Variants in LPIN1 observed in about 807,000 individuals in gnomAD.
LPIN1 encodes the protein lipin 1.
LPIN1 carries 71 observed loss-of-function variants against 107.5 expected under a neutral mutation model. The observed-to-expected ratio is 0.66, with a 90% confidence interval of 0.55 to 0.80. LPIN1 has a LOEUF of 0.80. Among genes scored for constraint, LPIN1 ranks in the 30% least tolerant of loss-of-function variants. The probability of loss-of-function intolerance (pLI) is 0.00; values close to 1 mark genes in which losing one functional copy is unlikely to be tolerated. For missense variants in LPIN1, 1,043 were observed against 1,160.6 expected, an observed-to-expected ratio of 0.90 and a Z score of 1.47; for synonymous variants, 445 against 452.6, an observed-to-expected ratio of 0.98 and a Z score of 0.21.
rs762802019 is a variant in LPIN1, at chr2:11,759,124, CTTTCTTTCT to C, written c.-9-6397_-9-6389del. On this transcript the variant is annotated intron_variant, in intron 1 of 20. Transcript: ENST00000674199. ...ATCCAGTTATGAGCTAGCTAGCTTGCTTTCTTTCTTTTCTTTCTTTCTTTCTTTCTTTCT... is the reference window on the plus strand; with the variant it reads ...ATCCAGTTATGAGCTAGCTAGCTTGCTTTCTTTCTTTCTTTCTTTCTTTCT... 5.4e-3 allele frequency among the ~76,000 whole-genome samples: 737 copies of C among 137,338 alleles called. 3 individuals are homozygous for C. Among genetic ancestry groups the C allele is most frequent in the Non-Finnish European group, 7.4e-3 (451 of 61,320 alleles). 90.1% of individuals were successfully genotyped at this position (137,338 alleles called of 152,430 possible).
chr2:11,814,511 CAT>C (rs1491431373), intron 17 of LPIN1, among the ~76,000 whole-genome samples: 178 of 94,932 alleles, frequency 1.9e-3, no homozygotes, highest in Non-Finnish European at 3.1e-3. Flanking sequence ...GGTGTGTGTG[CAT>C]GTGTGTGTGT....
upstream of LPIN1, among the ~76,000 whole-genome samples, chr2:11,722,754 A>G (rs1572403029): frequency 6.6e-6 from 1 of 152,344 alleles, no homozygotes; most frequent in South Asian, 2.1e-4. Context: ...TGATTTCAGA[A>G]GCAAGTGGAT....
intron 17 of LPIN1, among the ~76,000 whole-genome samples, chr2:11,812,713 G>C (rs1439616846): frequency 1.3e-5 from 2 of 152,212 alleles, no homozygotes; most frequent in African/African-American, 4.8e-5. Context: ...TGGTCTTATA[G>C]GCCACAGTGA....
intron 1 of LPIN1, among the ~76,000 whole-genome samples, chr2:11,739,137 T>C (rs1666085890): frequency 6.8e-6 from 1 of 146,774 alleles, no homozygotes; most frequent in Non-Finnish European, 1.5e-5. Flanking sequence ...TCCTGCTTGC[T>C]CTCTCTTGGG....
chr2:11,720,956 A>G (rs1321459508), upstream of LPIN1, among the ~76,000 whole-genome samples: 1 of 151,952 alleles, frequency 6.6e-6, no homozygotes, highest in Non-Finnish European at 1.5e-5. Flanking sequence ...TTGTCTGCCC[A>G]CGCCCTGCTC....
chr2:11,721,148 A>G (rs569716757), upstream of LPIN1, among the ~76,000 whole-genome samples: 2 of 152,222 alleles, frequency 1.3e-5, no homozygotes, highest in East Asian at 3.9e-4. Context: ...CCTATTTTAA[A>G]ATCAGGTGAA....
At chr2:11,807,837 C>T (rs1558282009) in intron 17 of LPIN1, among the ~76,000 whole-genome samples, 1 of 152,130 alleles carries the variant, frequency 6.6e-6, no homozygotes, top group East Asian at 1.9e-4. Flanking sequence ...TTCAGGGCTC[C>T]CTGCTCAGCA....
chr2:11,769,315 A>C (rs1173459539), intron 3 of LPIN1, among the ~76,000 whole-genome samples: 1 of 152,244 alleles, frequency 6.6e-6, no homozygotes, highest in Non-Finnish European at 1.5e-5. Context: ...CCTAATAACC[A>C]GCGGTATCTG....
intron 15 of LPIN1, 118 bp from the exon 16 acceptor site, chr2:11,804,305 C>T: frequency 9.3e-7 from 1 of 1,071,958 alleles, no homozygotes; most frequent in East Asian, 2.4e-5. Flanking sequence ...ATACAAGGGC[C>T]CAGGGCAGTC....
chr2:11,686,327 TG>T, intron 1 of LPIN1, among the ~76,000 whole-genome samples: 1 of 152,050 alleles, frequency 6.6e-6, no homozygotes, highest in South Asian at 2.1e-4. Flanking sequence ...CTGCCCAGCG[TG>T]GGTGGGATGT....
chr2:11,780,011 G>C (rs769195732), intron 7 of LPIN1, among the ~76,000 whole-genome samples: 2 of 152,086 alleles, frequency 1.3e-5, no homozygotes, highest in Non-Finnish European at 2.9e-5. Context: ...CTCCCGAGTA[G>C]CTGGGATTAC....
intron 1 of LPIN1, among the ~76,000 whole-genome samples, chr2:11,693,354 C>T (rs758200668): frequency 8.5e-5 from 13 of 152,208 alleles, no homozygotes; most frequent in Middle Eastern, 3.4e-3. Flanking sequence ...AATTTTCTAA[C>T]GTGACCCGGG....
At position 11,785,029 on chromosome 2, in the gene LPIN1, C is replaced by T. The variant is rs146965963; in HGVS notation, c.1502C>T (p.Ala501Val). The change falls in exon 10 of 21, where the codon GCC becomes GTC. Residue 501 changes from alanine (A) to valine (V), a missense_variant. Transcript: ENST00000674199. ...GGGCTGAGGGACCTCCCTTCCATCGCCATCTCCCTCTGCGGGGGCCTCAGC... is the reference window on the plus strand; with the variant it reads ...GGGCTGAGGGACCTCCCTTCCATCGTCATCTCCCTCTGCGGGGGCCTCAGC... ...SDGLRDLPSI[A>V]ISLCGGLSDH... 4 of 1,606,728 alleles carry T rather than the reference C, an allele frequency of 2.5e-6. No individual in the cohort carries two copies. The highest frequency in any genetic ancestry group is 1.3e-5 in the African/African-American group (1 of 74,836).
At chr2:11,780,774 A>C (rs1673451324) in intron 7 of LPIN1, among the ~76,000 whole-genome samples, 1 of 152,190 alleles carries the variant, frequency 6.6e-6, no homozygotes, top group African/African-American at 2.4e-5. Flanking sequence ...AATTGTTGTG[A>C]GGTTAGAAGG....
chr2:11,818,000 C>T (rs1341416151), intron 18 of LPIN1: 1 of 145,506 alleles, frequency 6.9e-6, no homozygotes, highest in Admixed American at 6.9e-5. Flanking sequence ...CCATTGTGGT[C>T]ATAAAGCAAG....
At chr2:11,762,420 C>T (rs909800773) in intron 1 of LPIN1, among the ~76,000 whole-genome samples, 3 of 59,662 alleles carry the variant, frequency 5.0e-5, no homozygotes, top group African/African-American at 2.0e-4. Flanking sequence ...CTCTCCCTCC[C>T]TGGAGGTTGG....
intron 12 of LPIN1, among the ~76,000 whole-genome samples, chr2:11,789,335 G>A (rs923933254): frequency 6.6e-6 from 1 of 152,040 alleles, no homozygotes; most frequent in Non-Finnish European, 1.5e-5. Context: ...GTGCATACGT[G>A]CATGTGTATG....
chr2:11,755,989 G>A (rs1349242453), intron 1 of LPIN1, among the ~76,000 whole-genome samples: 16 of 152,156 alleles, frequency 1.1e-4, no homozygotes, highest in Admixed American at 6.5e-5. Flanking sequence ...CCAAAGTGCT[G>A]GGATCACAGG....
chr2:11,771,269 A>G lies in LPIN1; in HGVS notation c.289-103A>G. On this transcript the variant is annotated intron_variant, in intron 3 of 20. Transcript: ENST00000674199. This position sits in a 1 kb window ranked among gnomAD's most constrained non-coding sequence, Gnocchi z 4.8. The stretch of plus-strand genomic sequence containing the variant: ...GCCATCTGCTGTGGCCCTCCCCAGG[A>G]GGTGCTTGGCCTCTGAAGTGAATCC... 8.8e-7 allele frequency: 1 copy of G among 1,131,554 alleles called. No homozygotes were observed. The highest frequency in any genetic ancestry group is 1.3e-5 in the South Asian group (1 of 77,800). The allele number at this position is 1,131,554 out of a possible 1,614,324, so 70.1% of individuals were successfully genotyped here.
Sources: allele counts gnomAD v4.1 joint callset (sites outside exome capture counted in the v4.1 genomes callset), GRCh38; gene constraint gnomAD v4.1.1; non-coding constraint Gnocchi (gnomAD v3.1); transcripts MANE v1.5; gene names NCBI Gene and HGNC (gene_info 2026-07-23, HGNC 2026-07-21).